PCDH7: variants seen among roughly 807,000 people sequenced by gnomAD.
PCDH7 encodes protocadherin 7, also known as protocadherin-7.
Under a neutral mutation model 58.9 loss-of-function variants are expected in PCDH7, and 17 were observed. The observed-to-expected ratio is 0.29, with a 90% CI of 0.20 to 0.43. PCDH7 has a LOEUF of 0.43. Ranked by LOEUF, PCDH7 falls within the 20% of genes least tolerant of loss-of-function variation. PCDH7 has a pLI of 1.00. For synonymous variants in PCDH7, 664 were observed against 616.4 expected (o/e 1.08, Z -1.14); for missense variants, 1,274 against 1,441.0 (o/e 0.88, Z 1.88).
At chr4:30,957,146 A>G (rs1422081918) in intron 3 of PCDH7, among the ~76,000 whole-genome samples, 2 of 152,196 alleles carry the variant, frequency 1.3e-5, no homozygotes, top group Non-Finnish European at 2.9e-5. Flanking sequence ...ACTAGAGTTT[A>G]TAACAAAAGA....
At chr4:30,749,378 A>G (rs564136082) in intron 1 of PCDH7, among the ~76,000 whole-genome samples, 2 of 152,152 alleles carry the variant, frequency 1.3e-5, no homozygotes, top group African/African-American at 4.8e-5. Context: ...AATCGGTGCA[A>G]GTTTTTTTCT....
intron 3 of PCDH7, among the ~76,000 whole-genome samples, chr4:31,040,930 G>A (rs1350757167): frequency 6.6e-6 from 1 of 151,926 alleles, no homozygotes; most frequent in Non-Finnish European, 1.5e-5. Context: ...AAAAATCCTG[G>A]ACCAGAAAAG....
At chr4:30,890,196 A>G (rs529809799) in intron 1 of PCDH7, among the ~76,000 whole-genome samples, 1 of 152,152 alleles carries the variant, frequency 6.6e-6, no homozygotes, top group Non-Finnish European at 1.5e-5. Context: ...CAGTATTTAT[A>G]GGTATCTCCT....
intron 1 of PCDH7, among the ~76,000 whole-genome samples, chr4:30,773,625 A>G (rs1721699374): frequency 6.6e-6 from 1 of 152,112 alleles, no homozygotes; most frequent in Non-Finnish European, 1.5e-5. Flanking sequence ...ACTTCCACTG[A>G]AGAATCATGG....
chr4:31,142,143 A>T (rs1720337744), intron 3 of PCDH7, among the ~76,000 whole-genome samples: 1 of 152,142 alleles, frequency 6.6e-6, no homozygotes, highest in Non-Finnish European at 1.5e-5. Context: ...GCACCCATAC[A>T]AATTTACCTA....
At chr4:30,753,437 G>C (rs930465008) in intron 1 of PCDH7, among the ~76,000 whole-genome samples, 15 of 152,174 alleles carry the variant, frequency 9.9e-5, no homozygotes, top group Admixed American at 8.5e-4. Flanking sequence ...CACATAACTT[G>C]CACATATTGC....
At chr4:31,071,297 G>T (rs377033619) in intron 3 of PCDH7, among the ~76,000 whole-genome samples, 101 of 151,962 alleles carry the variant, frequency 6.6e-4, no homozygotes, top group African/African-American at 2.3e-3. Context: ...CTATATTTTT[G>T]TCATTCTATC....
At chr4:30,817,722 T>C (rs899533424) in intron 1 of PCDH7, among the ~76,000 whole-genome samples, 6 of 152,128 alleles carry the variant, frequency 3.9e-5, no homozygotes, top group African/African-American at 1.4e-4. Context: ...GTCATGCATG[T>C]TATTGTGTTG....
intron 3 of PCDH7, among the ~76,000 whole-genome samples, chr4:31,058,803 G>C (rs981014370): frequency 6.6e-6 from 1 of 151,880 alleles, no homozygotes; most frequent in Non-Finnish European, 1.5e-5. Flanking sequence ...TTTTGAGTGG[G>C]TGATTCCAGA....
At chr4:30,819,063 T>G (rs1728033508) in intron 1 of PCDH7, among the ~76,000 whole-genome samples, 1 of 152,192 alleles carries the variant, frequency 6.6e-6, no homozygotes, top group Admixed American at 6.6e-5. Flanking sequence ...GGCTGACCTG[T>G]GATCCACAGA....
At chr4:30,818,972 T>G (rs984114672) in intron 1 of PCDH7, among the ~76,000 whole-genome samples, 1 of 152,204 alleles carries the variant, frequency 6.6e-6, no homozygotes, top group Non-Finnish European at 1.5e-5. Context: ...CTAACCATTT[T>G]GAGTTTCCAT....
At chr4:30,914,148 T>C (rs562294894) in intron 1 of PCDH7, among the ~76,000 whole-genome samples, 1 of 152,076 alleles carries the variant, frequency 6.6e-6, no homozygotes, top group Non-Finnish European at 1.5e-5. Flanking sequence ...GAAAATAAAG[T>C]GAATAAAATT....
intron 3 of PCDH7, among the ~76,000 whole-genome samples, chr4:30,981,815 T>C (rs1750596421): frequency 6.6e-6 from 1 of 152,222 alleles, no homozygotes; most frequent in Non-Finnish European, 1.5e-5. Context: ...AAAAAAGTGC[T>C]ACTCTCATTT....
intron 1 of PCDH7, among the ~76,000 whole-genome samples, chr4:30,897,776 G>T (rs1162153940): frequency 6.6e-6 from 1 of 152,200 alleles, no homozygotes; most frequent in East Asian, 1.9e-4. Context: ...GTAAACCAAT[G>T]AAATAGGTTG....
chr4:30,732,727 G>A (rs1391552949), exon 2 of PCDH7: 1 of 151,920 alleles, frequency 6.6e-6, no homozygotes, highest in African/African-American at 2.4e-5. Flanking sequence ...GAAAAGGTTT[G>A]AGAACCAGCA....
At chr4:31,042,255 C>T (rs562473229) in intron 3 of PCDH7, among the ~76,000 whole-genome samples, 1 of 152,256 alleles carries the variant, frequency 6.6e-6, no homozygotes, top group Non-Finnish European at 1.5e-5. Context: ...CAAAGTCAAG[C>T]AATGCTTTCC....
At chr4:31,017,178 G>A (rs1261274820) in intron 3 of PCDH7, among the ~76,000 whole-genome samples, 1 of 152,086 alleles carries the variant, frequency 6.6e-6, no homozygotes, top group East Asian at 1.9e-4. Context: ...TTACCTTCTA[G>A]GCATAGTCTG....
At chr4:30,873,715 G>T (rs1421129484) in intron 1 of PCDH7, among the ~76,000 whole-genome samples, 1 of 151,942 alleles carries the variant, frequency 6.6e-6, no homozygotes, top group Non-Finnish European at 1.5e-5. Context: ...GTTGAATATG[G>T]CATGCAATAT....
intron 3 of PCDH7, among the ~76,000 whole-genome samples, chr4:30,959,025 G>C (rs1437859778): frequency 1.3e-5 from 2 of 151,868 alleles, no homozygotes; most frequent in African/African-American, 4.8e-5. Flanking sequence ...AAAATTAGAT[G>C]GTTCTGAAAG....
Sources: allele counts gnomAD v4.1 joint callset (sites outside exome capture counted in the v4.1 genomes callset), GRCh38; gene constraint gnomAD v4.1.1; transcripts MANE v1.5; gene names NCBI Gene and HGNC (gene_info 2026-07-23, HGNC 2026-07-21).